ERVFRD-1: variants seen among roughly 807,000 people sequenced by gnomAD.
The protein encoded by ERVFRD-1 is endogenous retrovirus group FRD member 1, envelope.
A neutral mutation model predicts 43.8 loss-of-function variants in ERVFRD-1; 33 were observed. That is an observed-to-expected ratio of 0.75 (90% CI 0.57 to 1.01). ERVFRD-1 has a LOEUF of 1.01. Among genes scored for constraint, ERVFRD-1 ranks in the 50% least tolerant of loss-of-function variants. The pLI, the probability that ERVFRD-1 is intolerant of heterozygous loss-of-function variation, is 0.00. For missense variants in ERVFRD-1, 568 were observed against 658.4 expected (o/e 0.86, Z 1.50); for synonymous variants, 239 against 244.4 (o/e 0.98, Z 0.21).
Position 11,103,733 on chromosome 6 carries a change from T to TG in ERVFRD-1, c.1577dup (p.Gly527ArgfsTer54). On this transcript the variant is annotated frameshift_variant, in exon 2 of 2. Coordinates refer to ENST00000472091, the MANE Select transcript of ERVFRD-1 (RefSeq NM_207582.3). LOFTEE classifies it high-confidence loss of function. ...CTTGAATATTGCGAGGATGGCGTCC[T>TG]GCACTGAGATTCGTCTGGAGCTTTA... The TG allele has an allele frequency of 6.4e-7, 1 of 1,551,662 alleles. No homozygotes were observed. The highest frequency in any genetic ancestry group is 8.7e-7 in the Non-Finnish European group (1 of 1,146,982).
intron 1 of ERVFRD-1, among the ~76,000 whole-genome samples, chr6:11,110,139 A>C (rs746908740): frequency 2.0e-5 from 3 of 152,190 alleles, no homozygotes; most frequent in Non-Finnish European, 4.4e-5. Flanking sequence ...TCCTGTGCCT[A>C]TGGCAGACTA....
rs55714642 is a variant in ERVFRD-1, at chr6:11,104,236, C to T, written c.1075G>A (p.Ala359Thr). 0.018 allele frequency: 27,723 copies of T among 1,551,590 alleles called. 320 individuals are homozygous for T. The highest frequency in any genetic ancestry group is 0.022 in the Non-Finnish European group (25,141 of 1,146,986). Reference protein sequence around the residue: ...RRAIHFIPLLAGLGILAGTGT... With the variant: ...RRAIHFIPLLTGLGILAGTGT... The stretch of plus-strand genomic sequence containing the variant: ...GTACCAGCTAGAATGCCGAGTCCCG[C>T]GAGAAGGGGAATGAAATGGATTGCC... The change falls in exon 2 of 2, where the codon GCG becomes ACG. Residue 359 changes from alanine to threonine, a missense_variant. Physicochemically the swap from Ala to Thr is moderately conservative, Grantham distance 58. Transcript: ENST00000472091.
At chr6:11,107,941 G>A (rs1758111423) in intron 1 of ERVFRD-1, among the ~76,000 whole-genome samples, 1 of 152,200 alleles carries the variant, frequency 6.6e-6, no homozygotes, top group South Asian at 2.1e-4. Flanking sequence ...TGCCATTATG[G>A]CCTTTCCTGT....
At chr6:11,109,095 C>T (rs1483787063) in intron 1 of ERVFRD-1, among the ~76,000 whole-genome samples, 1 of 152,182 alleles carries the variant, frequency 6.6e-6, no homozygotes, top group Non-Finnish European at 1.5e-5. Context: ...AGGGTAGCCA[C>T]CAGTGTCAGG....
At position 11,104,703 on chromosome 6, in the gene ERVFRD-1, C is replaced by G; in HGVS notation, c.608G>C (p.Arg203Pro). Residue 203 changes from arginine (R) to proline (P), a missense_variant, in exon 2 of 2, where the codon CGA becomes CCA. Transcript: ENST00000472091. ...CQGRPSSCST[R>P]NFWFRPADYN... The stretch of plus-strand genomic sequence containing the variant: ...ATCAGCAGGCCGGAACCAGAAGTTT[C>G]GAGTACTGCATGAGCTTGGGCGTCC... 7 of 1,614,208 alleles carry G rather than the reference C, an allele frequency of 4.3e-6. No homozygotes were observed. The highest frequency in any genetic ancestry group is 5.9e-6 in the Non-Finnish European group (7 of 1,180,048).
chr6:11,103,812 C>G lies in ERVFRD-1; in HGVS notation c.1499G>C (p.Gly500Ala). 1.3e-6 allele frequency: 2 copies of G among 1,551,514 alleles called. No homozygotes were observed. The highest frequency in any genetic ancestry group is 2.0e-5 in the Admixed American group (1 of 50,992). ...LVSLLLLLLF[G>A]PCLLNLITQF... ...GGTTATTAGATTTAGGAGACATGGACCAAAAAGGAGCAAAAGTAGGAGACT... is the reference window on the plus strand; with the variant it reads ...GGTTATTAGATTTAGGAGACATGGAGCAAAAAGGAGCAAAAGTAGGAGACT... The change falls in exon 2 of 2, where the codon GGT (glycine) becomes GCT (alanine). Residue 500 changes from glycine to alanine, a missense_variant. Gly to Ala is a moderately conservative substitution (Grantham distance 60, BLOSUM62 0). Coordinates refer to ENST00000472091, the MANE Select transcript of ERVFRD-1 (RefSeq NM_207582.3).
At chr6:11,109,472 C>T (rs1383321177) in intron 1 of ERVFRD-1, among the ~76,000 whole-genome samples, 1 of 152,090 alleles carries the variant, frequency 6.6e-6, no homozygotes, top group Non-Finnish European at 1.5e-5. Context: ...GGGGCTTGAG[C>T]TCTGGGTAAA....
intron 1 of ERVFRD-1, among the ~76,000 whole-genome samples, chr6:11,110,484 C>A (rs1758150840): frequency 1.3e-5 from 2 of 152,094 alleles, no homozygotes; most frequent in South Asian, 4.1e-4. Flanking sequence ...TGTTTTTCTG[C>A]CAATTGCTGC....
intron 1 of ERVFRD-1, among the ~76,000 whole-genome samples, chr6:11,105,926 G>C (rs1394563488): frequency 1.3e-5 from 2 of 152,154 alleles, no homozygotes; most frequent in African/African-American, 4.8e-5. Context: ...AATTGCAAGG[G>C]AGCCTTAGGG....
chr6:11,111,310 A>C (rs1471569084), intron 1 of ERVFRD-1, among the ~76,000 whole-genome samples: 1 of 152,244 alleles, frequency 6.6e-6, no homozygotes, highest in Non-Finnish European at 1.5e-5. Context: ...TTTGGAATAC[A>C]TACAGAGAAA....
chr6:11,104,534 G>A lies in ERVFRD-1; in HGVS notation c.777C>T (p.Gly259=), dbSNP rs1407427506. 1 of 1,578,904 alleles carries A rather than the reference G, an allele frequency of 6.3e-7. No individual in the cohort carries two copies. The highest frequency in any genetic ancestry group is 8.6e-7 in the Non-Finnish European group (1 of 1,161,506). The change falls in exon 2 of 2, where the codon GGC becomes GGT. Residue 259 remains glycine, a synonymous_variant. Transcript: ENST00000472091. ...CCAGGTAGCTGGTGGCTATAGTCAT[G>A]CCTGCTAAGACTTGGACGCAGGGTG... ...SQTPCVQVLA[G]MTIATSYLGI... is the part of the protein sequence containing the mutation.
At position 11,104,182 on chromosome 6, in the gene ERVFRD-1, C is replaced by G. The variant is rs1561752447; in HGVS notation, c.1129G>C (p.Ala377Pro). ...TGTGIAGITK[A>P]SLTYSQLSKE... ...GAGAGCTGGCTATAGGTGAGGGAAG[C>G]TTTTGTGATTCCAGCAATTCCGGTT... is the stretch of plus-strand genomic sequence containing the variant. The change falls in exon 2 of 2, where the codon GCT (alanine) becomes CCT (proline). Residue 377 changes from alanine (A) to proline (P), a missense_variant. Coordinates refer to ENST00000472091, the MANE Select transcript of ERVFRD-1 (RefSeq NM_207582.3). 4 of 1,551,716 alleles carry G rather than the reference C, an allele frequency of 2.6e-6. No individual in the cohort carries two copies.
chr6:11,105,861 T>C (rs1369689769), intron 1 of ERVFRD-1, among the ~76,000 whole-genome samples: 1 of 152,130 alleles, frequency 6.6e-6, no homozygotes, highest in African/African-American at 2.4e-5. Flanking sequence ...AGTTTCTTCA[T>C]CTAGTAATGA....
In ERVFRD-1 at chr6:11,105,021, T is replaced by A. The variant is rs1758063588; in HGVS notation, c.290A>T (p.Lys97Met). ...RPANSLLSTV[K>M]QDFPDIRQKP... ...CTGGCGGATATCAGGGAAATCTTGC[T>A]TTACTGTTGAAAGAAGACTATTTGC... Residue 97 changes from lysine to methionine, a missense_variant, in exon 2 of 2, where the codon AAG becomes ATG. By Grantham distance (95) the Lys-to-Met change is moderately conservative (BLOSUM62 -1). Coordinates refer to ENST00000472091, the MANE Select transcript of ERVFRD-1 (RefSeq NM_207582.3). 2 of 1,614,220 alleles carry A rather than the reference T, an allele frequency of 1.2e-6. No homozygotes were observed. The highest frequency in any genetic ancestry group is 1.7e-6 in the Non-Finnish European group (2 of 1,180,048).
Position 11,105,325 on chromosome 6 carries a change from A to C in ERVFRD-1, c.-15T>G. ...AGCAGGCCCATGGTGACCTAAGAGA[A>C]ACTGGTCACAAAACGAGCTGCCAAT... On this transcript the variant is annotated 5_prime_UTR_variant, in exon 2 of 2. Coordinates refer to ENST00000472091, the MANE Select transcript of ERVFRD-1 (RefSeq NM_207582.3). 1 of 1,589,240 alleles carries C rather than the reference A, an allele frequency of 6.3e-7. No homozygotes were observed. Among genetic ancestry groups the C allele is most frequent in the African/African-American group, 1.3e-5 (1 of 74,120 alleles).
At chr6:11,108,477 T>C (rs1269658989) in intron 1 of ERVFRD-1, among the ~76,000 whole-genome samples, 1 of 152,136 alleles carries the variant, frequency 6.6e-6, no homozygotes, top group Admixed American at 6.5e-5. Flanking sequence ...GTGGCCAAGA[T>C]TGTGGCAATT....
In ERVFRD-1 at chr6:11,105,378, G is replaced by T. The variant is rs1024090628; in HGVS notation, c.-68C>A. 1.7e-6 allele frequency: 2 copies of T among 1,182,726 alleles called. No homozygotes were observed. The highest frequency in any genetic ancestry group is 2.4e-5 in the East Asian group (1 of 41,870). 73.3% of individuals were successfully genotyped at this position (1,182,726 alleles called of 1,614,324 possible). A position where few individuals can be genotyped will look rare whatever the true frequency, so the allele number is the denominator to read the frequency against. ...AACTCCTGGTGGTGTACAAGTTAGGGTTAAAATAGTGATAACAATCAGAGC... is the reference window on the plus strand; with the variant it reads ...AACTCCTGGTGGTGTACAAGTTAGGTTTAAAATAGTGATAACAATCAGAGC... On this transcript the variant is annotated 5_prime_UTR_variant, in exon 2 of 2. Coordinates refer to ENST00000472091, the MANE Select transcript of ERVFRD-1 (RefSeq NM_207582.3).
chr6:11,103,683 A>G lies in ERVFRD-1; in HGVS notation c.*11T>C. On this transcript the variant is annotated 3_prime_UTR_variant, in exon 2 of 2. Coordinates refer to ENST00000472091, the MANE Select transcript of ERVFRD-1 (RefSeq NM_207582.3). ...GTCGTGTTCCACTAGCGAGCAGTCT[A>G]GGGGTCCTCCTTAGAAGGGTGACTC... 1 of 1,545,888 alleles carries G rather than the reference A, an allele frequency of 6.5e-7. No individual in the cohort carries two copies. Among genetic ancestry groups the G allele is most frequent in the Non-Finnish European group, 8.7e-7 (1 of 1,143,984 alleles).
At position 11,103,510 on chromosome 6, in the gene ERVFRD-1, C is replaced by T. The variant is rs916653636; in HGVS notation, c.*184G>A. ...GGGAAAATGGACGAAGGTCAGTCTT[C>T]TTTAACTGCTTCCTGCTGACAGAGG... On this transcript the variant is annotated 3_prime_UTR_variant, in exon 2 of 2. Coordinates refer to ENST00000472091, the MANE Select transcript of ERVFRD-1 (RefSeq NM_207582.3). 2.7e-5 allele frequency: 24 copies of T among 878,106 alleles called. No homozygotes were observed. In the African/African-American group the frequency reaches 3.7e-4, roughly 14 times the overall value. The allele number at this position is 878,106 out of a possible 1,614,324, so 54.4% of individuals were successfully genotyped here. A position where few individuals can be genotyped will look rare whatever the true frequency, so the allele number is the denominator to read the frequency against.
Sources: gnomAD v4.1 joint callset for allele counts (sites outside exome capture counted in the v4.1 genomes callset) on GRCh38, gnomAD v4.1.1 for gene constraint, MANE v1.5 for transcripts, NCBI Gene and HGNC (gene_info 2026-07-23, HGNC 2026-07-21) for gene names.